Variants in ANGPT1 observed in about 807,000 individuals in gnomAD.
ANGPT1 encodes the protein angiopoietin 1, also known as angiopoietin-1.
A neutral mutation model predicts 62.2 loss-of-function variants in ANGPT1; 17 were observed. The ratio of observed to expected loss-of-function variants is 0.27; its 90% confidence interval spans 0.19 to 0.41. The LOEUF is 0.41. Among genes scored for constraint, ANGPT1 ranks in the 10% least tolerant of loss-of-function variants. The pLI is 1.00. For synonymous variants in ANGPT1, 199 were observed against 198.9 expected (o/e 1.00, Z 0.00); for missense variants, 478 against 594.9 (o/e 0.80, Z 2.04).
At chr8:107,303,421 C>A (rs1276976904) in intron 4 of ANGPT1, 54 bp from the exon 5 acceptor site, 3 of 1,445,844 alleles carry the variant, frequency 2.1e-6, no homozygotes, top group Non-Finnish European at 2.8e-6. Flanking sequence ...CCATTAGTAG[C>A]CAAACTGACT....
chr8:107,429,391 A>G (rs1263270454), intron 1 of ANGPT1, among the ~76,000 whole-genome samples: 1 of 152,190 alleles, frequency 6.6e-6, no homozygotes, highest in African/African-American at 2.4e-5. Context: ...AGCAACTGAA[A>G]ACTTCATCCT....
intron 5 of ANGPT1, among the ~76,000 whole-genome samples, chr8:107,297,025 G>A (rs10107638): frequency 0.039 from 5,785 of 147,932 alleles, 233 homozygotes; most frequent in African/African-American, 0.096. Context: ...TAAATCACTC[G>A]GAAATTTTTG....
intron 7 of ANGPT1, among the ~76,000 whole-genome samples, chr8:107,282,768 C>A (rs943541655): frequency 6.6e-6 from 1 of 151,406 alleles, no homozygotes; most frequent in African/African-American, 2.4e-5. Context: ...GATCATAGAT[C>A]CCTACTGTGT....
chr8:107,428,918 T>C (rs1406841852), intron 1 of ANGPT1, among the ~76,000 whole-genome samples: 2 of 152,232 alleles, frequency 1.3e-5, no homozygotes, highest in African/African-American at 4.8e-5. Flanking sequence ...ATTCATTCAA[T>C]ATTGCCTTTC....
chr8:107,262,358 T>C (rs569309144), intron 8 of ANGPT1, among the ~76,000 whole-genome samples: 1 of 152,248 alleles, frequency 6.6e-6, no homozygotes, highest in Non-Finnish European at 1.5e-5. Flanking sequence ...TGCTCATTCA[T>C]GTACACTACT....
intron 8 of ANGPT1, among the ~76,000 whole-genome samples, chr8:107,254,837 C>T (rs924918380): frequency 1.3e-5 from 2 of 152,072 alleles, no homozygotes; most frequent in African/African-American, 4.8e-5. Context: ...CATGATCAGG[C>T]AAACAAGTAA....
At chr8:107,496,745 T>C (rs1813110094) in intron 1 of ANGPT1, among the ~76,000 whole-genome samples, 1 of 149,510 alleles carries the variant, frequency 6.7e-6, no homozygotes, top group African/African-American at 2.4e-5. Flanking sequence ...TACATAAATA[T>C]ACAATTTCTC....
intron 2 of ANGPT1, among the ~76,000 whole-genome samples, chr8:107,337,665 G>GCAGTTTTATTTTAAAAGATATT (rs1434068738): frequency 3.3e-5 from 5 of 152,162 alleles, no homozygotes; most frequent in African/African-American, 1.2e-4. Context: ...TTATTTAAAA[G>GCAGTTTTATTTTAAAAGATATT]GACCTGGAAA....
At chr8:107,489,148 G>A (rs1043974812) in intron 1 of ANGPT1, among the ~76,000 whole-genome samples, 5 of 152,086 alleles carry the variant, frequency 3.3e-5, no homozygotes, top group South Asian at 2.1e-4. Context: ...AAGCCATTTC[G>A]TTGAAATTTA....
At chr8:107,346,450 C>T (rs59993254) in intron 2 of ANGPT1, among the ~76,000 whole-genome samples, 59 of 152,302 alleles carry the variant, frequency 3.9e-4, no homozygotes, top group African/African-American at 1.3e-3. Flanking sequence ...CAAATAAGTA[C>T]ATCATTGGCC....
intron 4 of ANGPT1, among the ~76,000 whole-genome samples, chr8:107,320,389 T>C (rs77064891): frequency 0.015 from 2,215 of 152,206 alleles, 21 homozygotes; most frequent in Middle Eastern, 0.037. Flanking sequence ...AATCATGAAA[T>C]AAAAACCACT....
chr8:107,347,224 T>C (rs1815826135), intron 1 of ANGPT1, 127 bp from the exon 2 acceptor site: 1 of 884,034 alleles, frequency 1.1e-6, no homozygotes, highest in Admixed American at 2.6e-5. Context: ...ATCCTCTACA[T>C]CTCTGGGAGT....
intron 1 of ANGPT1, among the ~76,000 whole-genome samples, chr8:107,357,421 C>T (rs572410677): frequency 1.3e-5 from 2 of 152,106 alleles, no homozygotes; most frequent in South Asian, 4.2e-4. Context: ...TAGTTTCTTG[C>T]TTATCTGAAA....
intron 1 of ANGPT1, among the ~76,000 whole-genome samples, chr8:107,359,429 G>C (rs982963656): frequency 2.0e-5 from 3 of 152,118 alleles, no homozygotes; most frequent in Non-Finnish European, 2.9e-5. Context: ...TTATTTCCCA[G>C]AGAGAGCAAT....
chr8:107,326,788 C>T (rs1050799274), intron 3 of ANGPT1, among the ~76,000 whole-genome samples: 2 of 152,090 alleles, frequency 1.3e-5, no homozygotes, highest in Non-Finnish European at 2.9e-5. Context: ...GTTACAGACC[C>T]TCATGGATAG....
At chr8:107,297,750 T>G (rs1056733995) in intron 5 of ANGPT1, among the ~76,000 whole-genome samples, 1 of 145,176 alleles carries the variant, frequency 6.9e-6, no homozygotes, top group East Asian at 2.2e-4. Context: ...GTATTATGTA[T>G]GCATATATAT....
In ANGPT1 at chr8:107,379,845, C is replaced by A. The variant is rs147798284; in HGVS notation, c.298-32748G>T. Among the ~76,000 whole-genome samples the A allele has an allele frequency of 3.6e-3, 542 of 152,122 alleles. 6 individuals carry two copies. Among genetic ancestry groups the A allele is most frequent in the Middle Eastern group, 0.01 (3 of 294 alleles). On this transcript the variant is annotated intron_variant, in intron 1 of 8. Transcript: ENST00000517746. ...AACTTTTTAAGCTACTAAAAGCGTG[C>A]AAATTAGATTGTTATTGTTATTTTA...
intron 3 of ANGPT1, among the ~76,000 whole-genome samples, chr8:107,329,916 T>C (rs1403912862): frequency 6.6e-6 from 1 of 152,058 alleles, no homozygotes; most frequent in Non-Finnish European, 1.5e-5. Context: ...CACAGAAACA[T>C]ACATATATTA....
chr8:107,301,967 C>T (rs1273117462), intron 5 of ANGPT1, among the ~76,000 whole-genome samples: 2 of 151,860 alleles, frequency 1.3e-5, no homozygotes, highest in Non-Finnish European at 2.9e-5. Flanking sequence ...GATTCATTTC[C>T]TTTGCCTATC....
Sources: gnomAD v4.1 joint callset for allele counts (sites outside exome capture counted in the v4.1 genomes callset) on GRCh38, gnomAD v4.1.1 for gene constraint, MANE v1.5 for transcripts, NCBI Gene and HGNC (gene_info 2026-07-23, HGNC 2026-07-21) for gene names.